The following GRM7 variants were observed in gnomAD, a reference collection of about 807,000 sequenced individuals.
The protein encoded by GRM7 is metabotropic glutamate receptor 7.
Under a neutral mutation model 84.5 loss-of-function variants are expected in GRM7, and 35 were observed. The ratio of observed to expected loss-of-function variants is 0.41; its 90% CI spans 0.32 to 0.55. The LOEUF (loss-of-function observed/expected upper bound fraction) is 0.55. Among genes scored for constraint, GRM7 ranks in the 20% least tolerant of loss-of-function variants. The pLI, the probability that GRM7 is intolerant of heterozygous loss-of-function variation, is 0.19. For missense variants in GRM7, 1,003 were observed against 1,194.6 expected (o/e 0.84, Z 2.36); for synonymous variants, 487 against 455.1 (o/e 1.07, Z -0.89).
chr3:7,296,636 A>G (rs371466892), intron 2 of GRM7, among the ~76,000 whole-genome samples: 103 of 152,230 alleles, frequency 6.8e-4, no homozygotes, highest in African/African-American at 2.2e-3. Context: ...CATATCATTT[A>G]CATAGCTGAA....
intron 4 of GRM7, among the ~76,000 whole-genome samples, chr3:7,316,126 A>C (rs1471634044): frequency 1.3e-5 from 2 of 152,152 alleles, no homozygotes; most frequent in African/African-American, 4.8e-5. Context: ...ATGAAGGAGC[A>C]CACTGGGCAT....
chr3:7,466,305 A>G (rs901967267), intron 7 of GRM7, among the ~76,000 whole-genome samples: 1 of 152,210 alleles, frequency 6.6e-6, no homozygotes, highest in Non-Finnish European at 1.5e-5. Flanking sequence ...GGCTACAGAC[A>G]GGCACTGGTT....
chr3:7,226,961 G>A (rs1177669258), intron 2 of GRM7, among the ~76,000 whole-genome samples: 1 of 152,076 alleles, frequency 6.6e-6, no homozygotes, highest in Non-Finnish European at 1.5e-5. Flanking sequence ...TTACCATTAA[G>A]CATTTTCAAA....
At chr3:7,637,513 T>A (rs1240360424) in intron 8 of GRM7, among the ~76,000 whole-genome samples, 1 of 152,230 alleles carries the variant, frequency 6.6e-6, no homozygotes, top group African/African-American at 2.4e-5. Flanking sequence ...GAAGAATTCC[T>A]AAATTTCCAG....
At chr3:7,381,749 G>T (rs1158991909) in intron 4 of GRM7, among the ~76,000 whole-genome samples, 1 of 152,110 alleles carries the variant, frequency 6.6e-6, no homozygotes, top group Non-Finnish European at 1.5e-5. Flanking sequence ...CTTGAAAATT[G>T]TAGGATCTCA....
intron 1 of GRM7, among the ~76,000 whole-genome samples, chr3:7,119,878 C>T (rs564640226): frequency 3.3e-5 from 5 of 152,198 alleles, no homozygotes; most frequent in African/African-American, 4.8e-5. Flanking sequence ...TTCTGATTTA[C>T]ATAGCTCATT....
At chr3:7,566,898 G>A (rs140138365) in intron 7 of GRM7, among the ~76,000 whole-genome samples, 2 of 152,222 alleles carry the variant, frequency 1.3e-5, no homozygotes, top group Non-Finnish European at 2.9e-5. Context: ...TTACTTTTGT[G>A]GCCAACTATT....
At chr3:7,107,344 C>T (rs1281840375) in intron 1 of GRM7, among the ~76,000 whole-genome samples, 2 of 152,048 alleles carry the variant, frequency 1.3e-5, no homozygotes, top group Non-Finnish European at 2.9e-5. Context: ...ATACGTTCTA[C>T]AGTAAAGTCT....
intron 5 of GRM7, among the ~76,000 whole-genome samples, chr3:7,434,378 G>A (rs1052282059): frequency 2.0e-5 from 3 of 152,190 alleles, no homozygotes; most frequent in South Asian, 2.1e-4. Flanking sequence ...CAATCATAAC[G>A]TAAATCAGTC....
chr3:6,938,711 G>C (rs1186387334), intron 1 of GRM7, among the ~76,000 whole-genome samples: 2 of 152,172 alleles, frequency 1.3e-5, no homozygotes, highest in Non-Finnish European at 2.9e-5. Context: ...TTTTAAAGGT[G>C]AGCCACTTCT....
chr3:7,670,823 A>G (rs1699890308), intron 8 of GRM7, among the ~76,000 whole-genome samples: 2 of 152,188 alleles, frequency 1.3e-5, no homozygotes, highest in South Asian at 4.1e-4. Context: ...TTCACATTAT[A>G]AGACAGAATC....
Position 7,389,486 on chromosome 3 carries a change from G to T in GRM7, c.1034-25537G>T, listed in dbSNP as rs193123750. On this transcript the variant is annotated intron_variant, in intron 4 of 9. Coordinates refer to ENST00000357716, the MANE Select transcript of GRM7 (RefSeq NM_000844.4). ...TTGAAGTTTCCCACTCTTATTTTGTGGCTATGGAAGTCTTTTCTTAGGTAT... is the reference window on the plus strand; with the variant it reads ...TTGAAGTTTCCCACTCTTATTTTGTTGCTATGGAAGTCTTTTCTTAGGTAT... 3.4e-4 allele frequency among the ~76,000 whole-genome samples: 51 copies of T among 152,080 alleles called. 1 individual carries two copies. The East Asian group carries it at 7.7e-3, about 23-fold the overall frequency.
Position 7,151,914 on chromosome 3 carries a change from G to GT in GRM7, c.736+5256dup, listed in dbSNP as rs143503999. Reference sequence around the variant, plus strand: ...AATACCACCATCTATATTGAATTCTGTTTTTTTTTTCTTTCTGTCTATGTC... The same window carrying GT: ...AATACCACCATCTATATTGAATTCTGTTTTTTTTTTTCTTTCTGTCTATGTC... On this transcript the variant is annotated intron_variant, in intron 2 of 9. Transcript: ENST00000357716. This position sits in a 1 kb window ranked among gnomAD's most constrained non-coding sequence, Gnocchi z 4.5. Among the ~76,000 whole-genome samples the GT allele has an allele frequency of 3.9e-4, 58 of 148,494 alleles. No individual in the cohort carries two copies. The highest frequency in any genetic ancestry group is 8.8e-4 in the Admixed American group (13 of 14,844).
At chr3:7,282,812 T>C (rs1699300395) in intron 2 of GRM7, among the ~76,000 whole-genome samples, 1 of 152,164 alleles carries the variant, frequency 6.6e-6, no homozygotes, top group South Asian at 2.1e-4. Flanking sequence ...GTTCCCCAAA[T>C]GTGTTAGATT....
rs566708893 is a variant in GRM7, at chr3:7,568,845, G to A, written c.1516-9577G>A. On this transcript the variant is annotated intron_variant, in intron 7 of 9. Coordinates refer to ENST00000357716, the MANE Select transcript of GRM7 (RefSeq NM_000844.4). ...AGCTGCCTCCCCGTGGGGAGGGCTC[G>A]GGACCTGCAGCCCGCCATGCCTGAG... is the stretch of plus-strand genomic sequence containing the variant. 3.7e-3 allele frequency among the ~76,000 whole-genome samples: 569 copies of A among 152,188 alleles called. 4 individuals carry two copies. The highest frequency in any genetic ancestry group is 0.013 in the African/African-American group (531 of 41,532).
At chr3:7,337,133 G>T (rs1167513068) in intron 4 of GRM7, among the ~76,000 whole-genome samples, 1 of 152,152 alleles carries the variant, frequency 6.6e-6, no homozygotes, top group African/African-American at 2.4e-5. Flanking sequence ...ACAGCCAACT[G>T]CTCTTTGACA....
At chr3:7,183,317 T>C (rs1205751220) in intron 2 of GRM7, among the ~76,000 whole-genome samples, 1 of 152,224 alleles carries the variant, frequency 6.6e-6, no homozygotes, top group Non-Finnish European at 1.5e-5. Flanking sequence ...TGGTCACTTA[T>C]ATTTAATAAG....
At chr3:7,116,182 C>T (rs1389439195) in intron 1 of GRM7, among the ~76,000 whole-genome samples, 3 of 152,202 alleles carry the variant, frequency 2.0e-5, no homozygotes, top group East Asian at 1.9e-4. Context: ...AAAATAATTT[C>T]TTCCTTTGAG....
chr3:7,649,439 A>T (rs1698824004), intron 8 of GRM7, among the ~76,000 whole-genome samples: 1 of 152,208 alleles, frequency 6.6e-6, no homozygotes, highest in Admixed American at 6.5e-5. Context: ...CCAGGATGGT[A>T]AAATAAACCT....
Sources: allele counts gnomAD v4.1 joint callset (sites outside exome capture counted in the v4.1 genomes callset), GRCh38; gene constraint gnomAD v4.1.1; non-coding constraint Gnocchi (gnomAD v3.1); transcripts MANE v1.5; gene names NCBI Gene and HGNC (gene_info 2026-07-23, HGNC 2026-07-21).